The following CHN1 variants were observed in gnomAD, a reference collection of about 807,000 sequenced individuals.
The protein encoded by CHN1 is N-chimaerin.
Under a neutral mutation model 59.5 loss-of-function variants are expected in CHN1, and 37 were observed. That is an observed-to-expected ratio of 0.62 (90% confidence interval 0.48 to 0.82). The LOEUF is 0.82. CHN1 is among the 40% of genes least tolerant of loss of function. CHN1 has a pLI of 0.00. For missense variants in CHN1, 469 were observed against 571.0 expected (o/e 0.82, Z 1.82); for synonymous variants, 206 against 200.4 (o/e 1.03, Z -0.24).
chr2:174,936,617 A>AT (rs1369374006), intron 3 of CHN1, among the ~76,000 whole-genome samples: 2 of 152,130 alleles, frequency 1.3e-5, no homozygotes, highest in African/African-American at 4.8e-5. Context: ...TATATTTTAC[A>AT]TTTTTTATAT....
intron 5 of CHN1, among the ~76,000 whole-genome samples, chr2:174,887,026 T>G (rs536147856): frequency 6.6e-6 from 1 of 152,316 alleles, no homozygotes; most frequent in South Asian, 2.1e-4. Flanking sequence ...CTGTTTTCTG[T>G]TACTTCTGTT....
At chr2:174,917,853 G>A (rs1016947114) in intron 4 of CHN1, among the ~76,000 whole-genome samples, 3 of 152,038 alleles carry the variant, frequency 2.0e-5, no homozygotes, top group Admixed American at 1.3e-4. Context: ...GAGATTATGA[G>A]TGATTTTTAT....
At chr2:174,839,144 TTAATG>T (rs1258091394) in intron 7 of CHN1, among the ~76,000 whole-genome samples, 1 of 152,184 alleles carries the variant, frequency 6.6e-6, no homozygotes, top group Non-Finnish European at 1.5e-5. Context: ...ATTGAGCTAA[TTAATG>T]TAAGCATTAC....
chr2:174,977,773 G>C (rs1690995264), intron 1 of CHN1, among the ~76,000 whole-genome samples: 1 of 152,166 alleles, frequency 6.6e-6, no homozygotes, highest in Admixed American at 6.5e-5. Flanking sequence ...AAAGGGACCT[G>C]TGTGGTAATT....
intron 3 of CHN1, among the ~76,000 whole-genome samples, chr2:174,919,861 C>T (rs1688957113): frequency 6.6e-6 from 1 of 151,878 alleles, no homozygotes; most frequent in African/African-American, 2.4e-5. Context: ...AGTTGTACAA[C>T]AGCTCTTTTG....
intron 1 of CHN1, among the ~76,000 whole-genome samples, chr2:175,003,282 G>A (rs1691947936): frequency 6.6e-6 from 1 of 152,178 alleles, no homozygotes; most frequent in Admixed American, 6.5e-5. Flanking sequence ...CCCATAAGTA[G>A]ACTTTAAAAT....
intron 5 of CHN1, among the ~76,000 whole-genome samples, chr2:174,892,465 T>G (rs978521432): frequency 6.6e-6 from 1 of 152,220 alleles, no homozygotes; most frequent in Non-Finnish European, 1.5e-5. Flanking sequence ...CACCAGACAC[T>G]AAATGTGCTA....
rs1558933785 is a variant in CHN1 at position 174,812,495 on chromosome 2, T to C, written c.713-13A>G. 9.9e-6 allele frequency: 16 copies of C among 1,613,172 alleles called. No homozygotes were observed. The highest frequency in any genetic ancestry group is 1.3e-5 in the African/African-American group (1 of 75,002). On this transcript the variant is annotated splice_polypyrimidine_tract_variant and intron_variant, in intron 8 of 12. Transcript: ENST00000409900. ...TTCAAACCACAATCTAAGAAAAGAA[T>C]AAAGAAAGGAAACATTCAATATTAT...
rs527820910 is a variant in CHN1 at position 174,901,706 on chromosome 2, T to G, written c.260+13352A>C. Among the ~76,000 whole-genome samples, 3 of 152,320 alleles carry G rather than the reference T, an allele frequency of 2.0e-5. No homozygotes were observed. The East Asian group carries it at 5.8e-4, about 29-fold the overall frequency. The stretch of plus-strand genomic sequence containing the variant: ...ACAGGGAGAACAACAAAAATACATT[T>G]AATAAATGCCAAAAAATAATGTTTG... On this transcript the variant is annotated intron_variant, in intron 5 of 12. Transcript: ENST00000409900.
chr2:174,827,549 C>A (rs1685729838), intron 7 of CHN1, among the ~76,000 whole-genome samples: 1 of 152,098 alleles, frequency 6.6e-6, no homozygotes, highest in Admixed American at 6.5e-5. Flanking sequence ...CTTTTCAATG[C>A]CTACAAATTT....
intron 7 of CHN1, among the ~76,000 whole-genome samples, chr2:174,829,759 A>G (rs977529945): frequency 6.6e-6 from 1 of 152,230 alleles, no homozygotes; most frequent in Non-Finnish European, 1.5e-5. Flanking sequence ...TGGGACTGTG[A>G]TGAGTCAGTT....
intron 7 of CHN1, among the ~76,000 whole-genome samples, chr2:174,832,443 A>T (rs1685911212): frequency 6.6e-6 from 1 of 152,052 alleles, no homozygotes; most frequent in Admixed American, 6.5e-5. Flanking sequence ...ATAAGCATTT[A>T]ATGATATAAA....
rs1689542142 is a variant in CHN1 at position 174,937,836 on chromosome 2, T to TGA, written c.114+7051_114+7052insTC. Among the ~76,000 whole-genome samples the TGA allele has an allele frequency of 2.0e-5, 3 of 152,234 alleles. No homozygotes were observed. In the South Asian group the frequency reaches 6.2e-4, roughly 32 times the overall value. On this transcript the variant is annotated intron_variant, in intron 3 of 12. Transcript: ENST00000409900. The stretch of plus-strand genomic sequence containing the variant: ...TACCATGTGATATGCCAGCTCCCCC[T>TGA]CTGCCTTCCACCATGACTGTGAGCT...
At position 175,004,981 on chromosome 2, in the gene CHN1, A is replaced by G. The variant is rs1692017491; in HGVS notation, c.-69T>C. On this transcript the variant is annotated 5_prime_UTR_variant, in exon 1 of 13. Coordinates refer to ENST00000409900, the MANE Select transcript of CHN1 (RefSeq NM_001822.7). The stretch of plus-strand genomic sequence containing the variant: ...CAGGCGGGCTAGGGATCACCTCATC[A>G]GCCCGCCGCACCCACACCTCGGAGA... The G allele has an allele frequency of 6.7e-7, 1 of 1,503,172 alleles. No homozygotes were observed. The highest frequency in any genetic ancestry group is 2.7e-5 in the East Asian group (1 of 37,534). The allele number at this position is 1,503,172 out of a possible 1,614,324, so 93.1% of individuals were successfully genotyped here. A position where few individuals can be genotyped will look rare whatever the true frequency, so the allele number is the denominator to read the frequency against.
intron 1 of CHN1, among the ~76,000 whole-genome samples, chr2:174,955,006 C>A (rs1690143427): frequency 6.6e-6 from 1 of 151,718 alleles, no homozygotes; most frequent in Non-Finnish European, 1.5e-5. Flanking sequence ...TATAGCAGCA[C>A]AATTCACAAA....
rs142383400 is a variant in CHN1 at position 174,939,946 on chromosome 2, G to A, written c.114+4942C>T. Among the ~76,000 whole-genome samples the A allele has an allele frequency of 3.7e-3, 568 of 152,218 alleles. 4 individuals are homozygous for A. The highest frequency in any genetic ancestry group is 0.013 in the African/African-American group (544 of 41,548). ...AATTATATACTTTCAAAGCTATATT[G>A]TGTTTTAAACCAGAAGTCACAATAA... On this transcript the variant is annotated intron_variant, in intron 3 of 12. Transcript: ENST00000409900.
At chr2:174,814,715 CTA>C (rs1162101048) in intron 8 of CHN1, among the ~76,000 whole-genome samples, 2 of 152,114 alleles carry the variant, frequency 1.3e-5, no homozygotes, top group Non-Finnish European at 2.9e-5. Flanking sequence ...AAGGCCTTTT[CTA>C]TGTCGTACCT....
At chr2:174,906,492 T>G (rs1054048957) in intron 5 of CHN1, among the ~76,000 whole-genome samples, 1 of 152,202 alleles carries the variant, frequency 6.6e-6, no homozygotes, top group African/African-American at 2.4e-5. Context: ...GAGGTTCTTT[T>G]CAGGGGCATT....
intron 7 of CHN1, among the ~76,000 whole-genome samples, chr2:174,841,006 G>A (rs1216533880): frequency 1.3e-5 from 2 of 152,128 alleles, no homozygotes; most frequent in Non-Finnish European, 2.9e-5. Context: ...AATAAAGACA[G>A]ATTATAAAAC....
Sources: gnomAD v4.1 joint callset for allele counts (sites outside exome capture counted in the v4.1 genomes callset) on GRCh38, gnomAD v4.1.1 for gene constraint, MANE v1.5 for transcripts, NCBI Gene and HGNC (gene_info 2026-07-23, HGNC 2026-07-21) for gene names.